Variants in INSL6 observed in about 807,000 individuals in gnomAD.
INSL6 encodes insulin like 6.
Under a neutral mutation model 9.4 loss-of-function variants are expected in INSL6, and 16 were observed. The ratio of observed to expected loss-of-function variants is 1.70; its 90% confidence interval spans 1.15 to 2.59. The LOEUF (loss-of-function observed/expected upper bound fraction) is 2.59, where lower values mean the gene tolerates loss of function less well. INSL6 is among the 30% of genes most tolerant of loss of function. The probability of loss-of-function intolerance (pLI) is 0.00; values close to 1 mark genes in which losing one functional copy is unlikely to be tolerated. For synonymous variants in INSL6, 154 were observed against 96.9 expected (o/e 1.59, Z -3.46); for missense variants, 391 against 257.3 (o/e 1.52, Z -3.56).
At chr9:5,028,400 A>G in the INSL6 span, among the ~76,000 whole-genome samples, 1 of 152,200 alleles carries the variant, frequency 6.6e-6, no homozygotes, top group Non-Finnish European at 1.5e-5. Context: ...TGTCCCATTT[A>G]TAGAGCACAG....
chr9:5,039,000 A>C, the INSL6 span, among the ~76,000 whole-genome samples: 2 of 152,118 alleles, frequency 1.3e-5, no homozygotes, highest in Non-Finnish European at 2.9e-5. Flanking sequence ...ATGGCAAGGA[A>C]CTTCCTCAAT....
chr9:5,042,053 C>T, the INSL6 span: 2 of 271,110 alleles, frequency 7.4e-6, no homozygotes, highest in Non-Finnish European at 1.4e-5. Context: ...ACACAGACTG[C>T]AGGGTCTTGG....
At chr9:5,169,843 C>T (rs1214792173) in intron 1 of INSL6, among the ~76,000 whole-genome samples, 2 of 152,184 alleles carry the variant, frequency 1.3e-5, no homozygotes, top group African/African-American at 4.8e-5. Context: ...GCACCCAATA[C>T]AGGAGCACCC....
At chr9:5,095,194 C>T in the INSL6 span, among the ~76,000 whole-genome samples, 3 of 151,500 alleles carry the variant, frequency 2.0e-5, no homozygotes, top group African/African-American at 7.3e-5. Flanking sequence ...GGCCCATTCT[C>T]CTGAAAATGT....
chr9:5,105,992 C>T, the INSL6 span, among the ~76,000 whole-genome samples: 1 of 88,074 alleles, frequency 1.1e-5, no homozygotes, highest in Non-Finnish European at 2.8e-5. Context: ...CCATTCAGGA[C>T]ATAGGTGTGG....
At chr9:4,993,312 C>G in the INSL6 span, among the ~76,000 whole-genome samples, 1 of 152,198 alleles carries the variant, frequency 6.6e-6, no homozygotes, top group African/African-American at 2.4e-5. Context: ...TAATCACACT[C>G]TAGATTGGAT....
downstream of INSL6, among the ~76,000 whole-genome samples, chr9:5,119,990 T>C (rs1048442979): frequency 6.6e-6 from 1 of 152,208 alleles, no homozygotes; most frequent in Non-Finnish European, 1.5e-5. Flanking sequence ...ACTGTCTTAG[T>C]CCCTTTATGC....
At chr9:5,080,104 A>C in the INSL6 span, 3 of 722,760 alleles carry the variant, frequency 4.2e-6, no homozygotes, top group African/African-American at 1.8e-5. Flanking sequence ...TGCACATCCA[A>C]CCCCTCCAAA....
the INSL6 span, among the ~76,000 whole-genome samples, chr9:5,040,563 A>G: frequency 2.6e-4 from 40 of 152,390 alleles, no homozygotes; most frequent in African/African-American, 9.1e-4. Context: ...TGGGAATCAT[A>G]TATCTGATAA....
chr9:5,112,531 G>A, the INSL6 span: 2 of 591,982 alleles, frequency 3.4e-6, no homozygotes, highest in Non-Finnish European at 6.0e-6. Context: ...GCAGAAGGCC[G>A]AGTGGGAGAA....
the INSL6 span, among the ~76,000 whole-genome samples, chr9:5,026,420 C>T: frequency 6.6e-6 from 1 of 152,174 alleles, no homozygotes; most frequent in Non-Finnish European, 1.5e-5. Context: ...AATTATTACA[C>T]ATCTGTAAGT....
chr9:5,044,265 A>G, the INSL6 span: 52 of 603,594 alleles, frequency 8.6e-5, no homozygotes, highest in Admixed American at 1.2e-3. Flanking sequence ...TTTGTCTCAC[A>G]TTTATATTTA....
chr9:5,151,357 A>G (rs1244175460), intron 2 of INSL6, among the ~76,000 whole-genome samples: 1 of 152,222 alleles, frequency 6.6e-6, no homozygotes, highest in African/African-American at 2.4e-5. Flanking sequence ...ATGAAAAATA[A>G]GAAAATAATG....
chr9:5,041,363 A>G, the INSL6 span: 1 of 629,194 alleles, frequency 1.6e-6, no homozygotes, highest in South Asian at 1.7e-5. Flanking sequence ...CATGAGCATC[A>G]ACATGCACCT....
At chr9:5,001,970 C>T in the INSL6 span, among the ~76,000 whole-genome samples, 33 of 151,992 alleles carry the variant, frequency 2.2e-4, no homozygotes, top group African/African-American at 5.1e-4. Flanking sequence ...TGAAGTTGCT[C>T]CTATCTTTTT....
At chr9:5,064,164 C>G in the INSL6 span, among the ~76,000 whole-genome samples, 1 of 150,096 alleles carries the variant, frequency 6.7e-6, no homozygotes, top group Non-Finnish European at 1.5e-5. Context: ...TGGGCGGGGG[C>G]CACAAAAAAA....
chr9:5,174,114 T>C (rs1825245773), intron 1 of INSL6, among the ~76,000 whole-genome samples: 1 of 152,202 alleles, frequency 6.6e-6, no homozygotes, highest in Non-Finnish European at 1.5e-5. Flanking sequence ...GCAATCCTTC[T>C]CCGCATTCTT....
At chr9:5,056,133 A>G in the INSL6 span, among the ~76,000 whole-genome samples, 1 of 152,084 alleles carries the variant, frequency 6.6e-6, no homozygotes, top group Non-Finnish European at 1.5e-5. Flanking sequence ...AGGGATGTAT[A>G]TGTGCCAGTT....
intron 1 of INSL6, among the ~76,000 whole-genome samples, chr9:5,167,352 G>C (rs1330896537): frequency 1.3e-5 from 2 of 152,236 alleles, no homozygotes; most frequent in African/African-American, 4.8e-5. Flanking sequence ...GGTGGCACTT[G>C]AGCAGGCACT....
Sources: gnomAD v4.1 joint callset for allele counts (sites outside exome capture counted in the v4.1 genomes callset) on GRCh38, gnomAD v4.1.1 for gene constraint, MANE v1.5 for transcripts, NCBI Gene and HGNC (gene_info 2026-07-23, HGNC 2026-07-21) for gene names.